The following EYS variants were observed in gnomAD, a reference collection of about 807,000 sequenced individuals.
EYS encodes protein eyes shut homolog.
A neutral mutation model predicts 282.1 loss-of-function variants in EYS; 250 were observed. The observed-to-expected ratio is 0.89, with a 90% CI of 0.80 to 0.98. The LOEUF (loss-of-function observed/expected upper bound fraction) is 0.98, where lower values mean the gene tolerates loss of function less well. EYS is among the 50% of genes least tolerant of loss of function. The pLI is 0.00. For missense variants in EYS, 4,016 were observed against 3,709.0 expected, an observed-to-expected ratio of 1.08 and a Z score of -2.15; for synonymous variants, 1,355 against 1,282.9, an observed-to-expected ratio of 1.06 and a Z score of -1.20.
At position 64,590,258 on chromosome 6, in the gene EYS, T is replaced by C. The variant is rs1002095739; in HGVS notation, c.5609A>G (p.Glu1870Gly). 13 of 1,549,876 alleles carry C rather than the reference T, an allele frequency of 8.4e-6. No individual in the cohort carries two copies. In the Admixed American group the frequency reaches 9.8e-5, roughly 12 times the overall value. Reference sequence around the variant, plus strand: ...CAGCCGTTGAGGTGCCAGAATGGATTCCAGTGAAGACAAAGTAAGAGATCT... The same window carrying C: ...CAGCCGTTGAGGTGCCAGAATGGATCCCAGTGAAGACAAAGTAAGAGATCT... ...FTRSLTLSSL[E>G]SILAPQRLMI... The change falls in exon 26 of 43, where the codon GAA (glutamate) becomes GGA (glycine). Residue 1870 changes from glutamate (E) to glycine (G), a missense_variant. By Grantham distance (98) the Glu-to-Gly change is moderately conservative. Transcript: ENST00000503581.
intron 24 of EYS, 36 bp from the exon 25 acceptor site, chr6:64,593,345 A>C: frequency 5.6e-5 from 83 of 1,488,244 alleles, no homozygotes; most frequent in Non-Finnish European, 7.4e-5. Context: ...AATTAAGCTC[A>C]GTTTCTTTGT....
intron 18 of EYS, among the ~76,000 whole-genome samples, chr6:64,895,850 A>G (rs1767443359): frequency 6.6e-6 from 1 of 152,138 alleles, no homozygotes; most frequent in African/African-American, 2.4e-5. Flanking sequence ...TCTACATATA[A>G]AGAACATAAT....
At chr6:64,677,318 C>T (rs1769723786) in intron 22 of EYS, among the ~76,000 whole-genome samples, 1 of 151,992 alleles carries the variant, frequency 6.6e-6, no homozygotes, top group African/African-American at 2.4e-5. Flanking sequence ...TAAAGGAGCT[C>T]TACTGGTTTT....
chr6:64,146,539 G>A (rs999021642), intron 31 of EYS, among the ~76,000 whole-genome samples: 1 of 152,212 alleles, frequency 6.6e-6, no homozygotes, highest in Admixed American at 6.6e-5. Context: ...GAAAAGGGAA[G>A]AAGGAAAAGC....
intron 41 of EYS, among the ~76,000 whole-genome samples, chr6:63,727,721 A>AT (rs1561997493): frequency 1.5e-5 from 1 of 66,702 alleles, no homozygotes; most frequent in African/African-American, 1.1e-4. Flanking sequence ...AAAAAAAAAA[A>AT]AAAAAAAAAA....
At chr6:65,016,249 C>A (rs1019182128) in intron 13 of EYS, among the ~76,000 whole-genome samples, 2 of 151,712 alleles carry the variant, frequency 1.3e-5, no homozygotes, top group African/African-American at 4.8e-5. Flanking sequence ...AAATTTGCAT[C>A]AAACTAGTAC....
chr6:65,077,379 G>C (rs933654515), intron 12 of EYS, among the ~76,000 whole-genome samples: 1 of 152,034 alleles, frequency 6.6e-6, no homozygotes, highest in Non-Finnish European at 1.5e-5. Flanking sequence ...TTAAATCAAT[G>C]TTATTGGTTG....
At chr6:65,478,095 T>C (rs1345472255) in intron 5 of EYS, among the ~76,000 whole-genome samples, 2 of 152,282 alleles carry the variant, frequency 1.3e-5, no homozygotes, top group African/African-American at 4.8e-5. Context: ...CAGGCTTTGC[T>C]GTCAAGAACT....
chr6:64,843,988 T>G (rs960849110), intron 19 of EYS, among the ~76,000 whole-genome samples: 2 of 152,120 alleles, frequency 1.3e-5, no homozygotes, highest in South Asian at 4.1e-4. Context: ...CTCACAAGAT[T>G]TGATGGTTTT....
At chr6:64,548,024 G>A (rs1257278782) in intron 26 of EYS, among the ~76,000 whole-genome samples, 2 of 152,194 alleles carry the variant, frequency 1.3e-5, no homozygotes, top group Admixed American at 1.3e-4. Flanking sequence ...CTGCAGCCCT[G>A]GTTCCCGCCT....
At chr6:65,543,636 T>C (rs575242792) in intron 2 of EYS, among the ~76,000 whole-genome samples, 2 of 152,142 alleles carry the variant, frequency 1.3e-5, no homozygotes, top group South Asian at 4.1e-4. Flanking sequence ...ATCTTTGTTA[T>C]TCATTAATCT....
intron 31 of EYS, among the ~76,000 whole-genome samples, chr6:64,195,890 A>G (rs914456952): frequency 1.3e-5 from 2 of 152,168 alleles, no homozygotes; most frequent in African/African-American, 4.8e-5. Flanking sequence ...AAAATTGACA[A>G]ATGGGATCTC....
intron 30 of EYS, among the ~76,000 whole-genome samples, chr6:64,286,919 G>T (rs1562287959): frequency 1.1e-5 from 1 of 88,042 alleles, no homozygotes; most frequent in Admixed American, 1.2e-4. Context: ...TTAATTTTCT[G>T]TACTTTATTT....
At chr6:64,154,524 A>G (rs1774852460) in intron 31 of EYS, among the ~76,000 whole-genome samples, 1 of 151,852 alleles carries the variant, frequency 6.6e-6, no homozygotes, top group South Asian at 2.1e-4. Flanking sequence ...ATTTTAAAGT[A>G]AATATAGCAA....
intron 30 of EYS, among the ~76,000 whole-genome samples, chr6:64,290,341 A>G (rs1442111158): frequency 6.6e-6 from 1 of 152,124 alleles, no homozygotes; most frequent in Non-Finnish European, 1.5e-5. Context: ...ATTATAAAGT[A>G]GAAGAAAAAA....
intron 36 of EYS, among the ~76,000 whole-genome samples, chr6:63,833,640 T>G (rs1402218172): frequency 2.0e-5 from 3 of 152,130 alleles, no homozygotes; most frequent in Non-Finnish European, 1.5e-5. Flanking sequence ...CTGCCCAAGG[T>G]AATTTTTAGA....
intron 22 of EYS, among the ~76,000 whole-genome samples, chr6:64,754,355 A>G (rs62415477): frequency 0.05 from 7,391 of 148,566 alleles, 243 homozygotes; most frequent in Non-Finnish European, 0.074. Context: ...TAATTTAAAC[A>G]TCTCTCTGGA....
At chr6:64,754,750 C>A (rs1375829262) in intron 22 of EYS, among the ~76,000 whole-genome samples, 1 of 152,076 alleles carries the variant, frequency 6.6e-6, no homozygotes, top group Non-Finnish European at 1.5e-5. Flanking sequence ...TTCAGAATCC[C>A]TTTATGATTA....
chr6:64,049,137 A>G (rs1770725010), intron 33 of EYS, among the ~76,000 whole-genome samples: 1 of 152,202 alleles, frequency 6.6e-6, no homozygotes, highest in Non-Finnish European at 1.5e-5. Context: ...TCACATAAAC[A>G]GTGATCAGTT....
Sources: allele counts gnomAD v4.1 joint callset (sites outside exome capture counted in the v4.1 genomes callset), GRCh38; gene constraint gnomAD v4.1.1; transcripts MANE v1.5; gene names NCBI Gene and HGNC (gene_info 2026-07-23, HGNC 2026-07-21).